Variants in CNTNAP1 observed in about 807,000 individuals in gnomAD.
CNTNAP1 encodes the protein contactin associated protein 1.
CNTNAP1 carries 80 observed loss-of-function variants against 161.5 expected under a neutral mutation model. That is an observed-to-expected ratio of 0.50 (90% CI 0.41 to 0.60). The LOEUF is 0.60. Among genes scored for constraint, CNTNAP1 ranks in the 20% least tolerant of loss-of-function variants. The pLI is 0.00. For synonymous variants in CNTNAP1, 695 were observed against 733.1 expected, an observed-to-expected ratio of 0.95 and a Z score of 0.84; for missense variants, 1,464 against 1,854.8, an observed-to-expected ratio of 0.79 and a Z score of 3.87.
In CNTNAP1 at chr17:42,693,376, G is replaced by C; in HGVS notation, c.2832G>C (p.Glu944Asp). The C allele has an allele frequency of 1.2e-6, 2 of 1,614,226 alleles. No individual in the cohort carries two copies. Residue 944 changes from glutamate (E) to aspartate (D), a missense_variant, in exon 18 of 24, where the codon GAG (glutamate) becomes GAC (aspartate). Around this residue, in one of 3 missense-constraint regions of CNTNAP1, gnomAD observed 1,383 missense variants for 1,765.0 expected, o/e 0.78. Coordinates refer to ENST00000264638, the MANE Select transcript of CNTNAP1 (RefSeq NM_003632.3). The stretch of plus-strand genomic sequence containing the variant: ...TGAACGGAGTGACTCTGAACCTGGA[G>C]GGCCGTGCCAATGCCTCTGAGGGTA... ...MRLNGVTLNLEGRANASEGTS... is the reference protein window; with the variant it reads ...MRLNGVTLNLDGRANASEGTS...
intron 20 of CNTNAP1, 89 bp downstream of exon 20, chr17:42,696,241 GTAGATCACATTTGA>G: frequency 6.6e-7 from 1 of 1,514,170 alleles, no homozygotes; most frequent in Non-Finnish European, 9.1e-7. Flanking sequence ...CTTAATATTT[GTAGATCACATTTGA>G]ATGTATAGAG....
Position 42,695,877 on chromosome 17 carries a change from A to C in CNTNAP1, c.3346+3A>C. On this transcript the variant is annotated splice_donor_region_variant and intron_variant, in intron 19 of 23. Transcript: ENST00000264638. Reference sequence around the variant, plus strand: ...GGCTGTGCTCATCAAGGATGATGGTAAGCTCTCCCGGGCTCTCTCACCCCA... The same window carrying C: ...GGCTGTGCTCATCAAGGATGATGGTCAGCTCTCCCGGGCTCTCTCACCCCA... 1 of 1,608,850 alleles carries C rather than the reference A, an allele frequency of 6.2e-7. No individual in the cohort carries two copies. The highest frequency in any genetic ancestry group is 8.5e-7 in the Non-Finnish European group (1 of 1,175,876).
chr17:42,688,509 C>T lies in CNTNAP1; in HGVS notation c.1354C>T (p.Gln452Ter), dbSNP rs1217173581. 6.2e-7 allele frequency: 1 copy of T among 1,614,054 alleles called. No individual in the cohort carries two copies. Reference sequence around the variant, plus strand: ...TTGGCACGAGGTGAATTTTGTGGCACAGGAAAACCATGCAGTTATCAGCAT... The same window carrying T: ...TTGGCACGAGGTGAATTTTGTGGCATAGGAAAACCATGCAGTTATCAGCAT... ...GFWHEVNFVA[Q>*]ENHAVISIDD... is the part of the protein sequence containing the mutation. The change falls in exon 9 of 24, where the codon CAG (glutamine) becomes TAG (stop). Residue 452 changes from glutamine to a stop codon, truncating the protein, a stop_gained. Transcript: ENST00000264638. LOFTEE classifies it high-confidence loss of function.
intron 3 of CNTNAP1, 55 bp downstream of exon 3, chr17:42,684,284 T>C (rs2052977209): frequency 6.5e-7 from 1 of 1,536,212 alleles, no homozygotes; most frequent in East Asian, 2.3e-5. Flanking sequence ...CTCCAGGCTC[T>C]GGGCCGGGCA....
chr17:42,685,108 C>T lies in CNTNAP1; in HGVS notation c.481C>T (p.Leu161=). Residue 161 remains leucine (L), a synonymous_variant, in exon 4 of 24, where the codon CTG becomes TTG. Coordinates refer to ENST00000264638, the MANE Select transcript of CNTNAP1 (RefSeq NM_003632.3). This position sits in a 1 kb window ranked among gnomAD's most constrained non-coding sequence, Gnocchi z 5.0. ...LAWNPRGKIG[L]RLGLYGCPYK... ...CTGGAACCCACGCGGCAAGATCGGCCTGAGGCTCGGCCTCTATGGCTGCCC... is the reference window on the plus strand; with the variant it reads ...CTGGAACCCACGCGGCAAGATCGGCTTGAGGCTCGGCCTCTATGGCTGCCC... 1 of 1,581,592 alleles carries T rather than the reference C, an allele frequency of 6.3e-7. No homozygotes were observed. Among genetic ancestry groups the T allele is most frequent in the Middle Eastern group, 1.7e-4 (1 of 5,902 alleles).
chr17:42,683,603 G>T lies in CNTNAP1; in HGVS notation c.68-218G>T, dbSNP rs2052966134. 4.2e-6 allele frequency: 6 copies of T among 1,418,796 alleles called. No individual in the cohort carries two copies. In the South Asian group the frequency reaches 9.2e-5, roughly 22 times the overall value. 87.9% of individuals were successfully genotyped at this position (1,418,796 alleles called of 1,614,324 possible). On this transcript the variant is annotated intron_variant, in intron 1 of 23. Coordinates refer to ENST00000264638, the MANE Select transcript of CNTNAP1 (RefSeq NM_003632.3). ...GTCTGGCCTTGGGCCTATAGGTGTA[G>T]CCTAGGGGTTTGCCTAGAAGGAGAA...
Position 42,687,222 on chromosome 17 carries a change from C to A in CNTNAP1, c.1044+176C>A. 1.3e-6 allele frequency: 1 copy of A among 765,834 alleles called. No individual in the cohort carries two copies. The highest frequency in any genetic ancestry group is 2.0e-5 in the South Asian group (1 of 49,462). 47.4% of individuals were successfully genotyped at this position (765,834 alleles called of 1,614,324 possible). On this transcript the variant is annotated intron_variant, in intron 7 of 23. Coordinates refer to ENST00000264638, the MANE Select transcript of CNTNAP1 (RefSeq NM_003632.3). This position sits in a 1 kb window ranked among gnomAD's most constrained non-coding sequence, Gnocchi z 4.7. ...ACCTGAGGTGCATGAGCCACGCAGG[C>A]CCCTAGTTAAGAAGCAGTGGTCGGG...
chr17:42,694,049 T>TG (rs1045587011), intron 18 of CNTNAP1, among the ~76,000 whole-genome samples: 7 of 151,976 alleles, frequency 4.6e-5, no homozygotes, highest in African/African-American at 1.4e-4. Flanking sequence ...TTAGTGGAGA[T>TG]GGGGTTTCAC....
In CNTNAP1 at chr17:42,693,585, G is replaced by A. The variant is rs757051620; in HGVS notation, c.2992+49G>A. On this transcript the variant is annotated intron_variant, in intron 18 of 23. Coordinates refer to ENST00000264638, the MANE Select transcript of CNTNAP1 (RefSeq NM_003632.3). ...AACAGGGAGCCATAGGGTGTAATGG[G>A]ATGTAGGGAGGGCAGGGAAGGAAAT... 21 of 1,591,068 alleles carry A rather than the reference G, an allele frequency of 1.3e-5. No individual in the cohort carries two copies. The Admixed American group carries it at 3.2e-4, about 24-fold the overall frequency.
intron 1 of CNTNAP1, chr17:42,683,251 T>G: frequency 1.5e-6 from 1 of 660,020 alleles, no homozygotes; most frequent in Non-Finnish European, 2.1e-6. Flanking sequence ...GGCTGGACTT[T>G]GGAGCTGGCC....
rs756896276 is a variant in CNTNAP1, at chr17:42,689,569, G to T, written c.1677G>T (p.Trp559Cys). The T allele has an allele frequency of 2.5e-6, 4 of 1,613,722 alleles. No homozygotes were observed. The highest frequency in any genetic ancestry group is 1.7e-6 in the Non-Finnish European group (2 of 1,179,900). Residue 559 changes from tryptophan (W) to cysteine (C), a missense_variant, in exon 11 of 24, where the codon TGG (tryptophan) becomes TGT (cysteine). This residue lies in a region of CNTNAP1 where 1,383 missense variants were observed against 1,765.0 expected (regional missense o/e 0.78). Transcript: ENST00000264638. ...ATGATGGACGCTGCTACCAGTCTTGGGATGACTTCATTTGCTACTGCGAAC... is the reference window on the plus strand; with the variant it reads ...ATGATGGACGCTGCTACCAGTCTTGTGATGACTTCATTTGCTACTGCGAAC... ...CEHDGRCYQS[W>C]DDFICYCELT...
chr17:42,689,640 T>G lies in CNTNAP1; in HGVS notation c.1735+13T>G. The G allele has an allele frequency of 4.4e-6, 7 of 1,607,708 alleles. No individual in the cohort carries two copies. Among genetic ancestry groups the G allele is most frequent in the Non-Finnish European group, 5.1e-6 (6 of 1,174,514 alleles). On this transcript the variant is annotated intron_variant, in intron 11 of 23. Coordinates refer to ENST00000264638, the MANE Select transcript of CNTNAP1 (RefSeq NM_003632.3). ...ACCTGCCACACACGTAAGCCAGATGTGGTATGGGGGGAGTCAGGGACAAGG... is the reference window on the plus strand; with the variant it reads ...ACCTGCCACACACGTAAGCCAGATGGGGTATGGGGGGAGTCAGGGACAAGG...
chr17:42,686,757 G>A (rs2053021123), intron 6 of CNTNAP1, 146 bp from the exon 7 acceptor site: 1 of 955,538 alleles, frequency 1.0e-6, no homozygotes, highest in African/African-American at 1.6e-5. Flanking sequence ...GGCCTAGCGA[G>A]CTTTAGTACC....
rs2053049202 is a variant in CNTNAP1 at position 42,688,720 on chromosome 17, C to T, written c.1456+109C>T. 5 of 1,542,824 alleles carry T rather than the reference C, an allele frequency of 3.2e-6. No individual in the cohort carries two copies. The Admixed American group carries it at 8.7e-5, about 27-fold the overall frequency. Reference sequence around the variant, plus strand: ...AATTTTGGAGGGATCAAGCCCTCTTCCCCTCTGGGGCCTCAGGGAGTGGAA... The same window carrying T: ...AATTTTGGAGGGATCAAGCCCTCTTTCCCTCTGGGGCCTCAGGGAGTGGAA... On this transcript the variant is annotated intron_variant, in intron 9 of 23. Transcript: ENST00000264638.
intron 8 of CNTNAP1, 74 bp downstream of exon 8, chr17:42,688,055 C>CTGAGG: frequency 8.4e-6 from 13 of 1,539,084 alleles, no homozygotes; most frequent in Non-Finnish European, 1.0e-5. Flanking sequence ...TAGGCCTGGA[C>CTGAGG]TGAGGCCTTT....
chr17:42,686,809 C>T (rs1425423151), intron 6 of CNTNAP1, 94 bp from the exon 7 acceptor site: 1 of 1,407,520 alleles, frequency 7.1e-7, no homozygotes, highest in East Asian at 2.3e-5. Flanking sequence ...TACAAAACCC[C>T]ATCTGGCATT....
intron 21 of CNTNAP1, 70 bp downstream of exon 21, chr17:42,697,437 T>A (rs1393565620): frequency 1.2e-6 from 2 of 1,607,312 alleles, no homozygotes; most frequent in African/African-American, 1.3e-5. Flanking sequence ...TCAAGGAAAG[T>A]GAAGGCCCTG....
At chr17:42,695,171 T>C (rs2053136063) in intron 18 of CNTNAP1, among the ~76,000 whole-genome samples, 1 of 152,162 alleles carries the variant, frequency 6.6e-6, no homozygotes. Flanking sequence ...GTTCTCGAAC[T>C]CCTGACCTCA....
chr17:42,686,275 A>C, intron 6 of CNTNAP1, 134 bp downstream of exon 6: 7 of 884,760 alleles, frequency 7.9e-6, no homozygotes, highest in South Asian at 1.6e-5. Flanking sequence ...GTGGTGGCTC[A>C]TGCCTGTAAT....
Sources: gnomAD v4.1 joint callset for allele counts (sites outside exome capture counted in the v4.1 genomes callset) on GRCh38, gnomAD v4.1.1 for gene constraint, gnomAD v4.1.1 regional missense constraint, Gnocchi (gnomAD v3.1) non-coding constraint, MANE v1.5 for transcripts, NCBI Gene and HGNC (gene_info 2026-07-23, HGNC 2026-07-21) for gene names.